SH2D4B: variants seen among roughly 807,000 people sequenced by gnomAD.
SH2D4B encodes SH2 domain-containing protein 4B.
Under a neutral mutation model 61.5 loss-of-function variants are expected in SH2D4B, and 45 were observed. That is an observed-to-expected ratio of 0.73 (90% CI 0.58 to 0.94). The LOEUF is 0.94. SH2D4B is among the 40% of genes least tolerant of loss of function. The pLI is 0.00. For synonymous variants in SH2D4B, 224 were observed against 220.4 expected, an observed-to-expected ratio of 1.02 and a Z score of -0.14; for missense variants, 572 against 574.2, an observed-to-expected ratio of 1.00 and a Z score of 0.04.
chr10:80,575,771 C>G (rs1842118875), intron 3 of SH2D4B, among the ~76,000 whole-genome samples: 1 of 152,062 alleles, frequency 6.6e-6, no homozygotes. Context: ...TTTGCAGATT[C>G]CTGATCAAAA....
chr10:80,564,943 A>G (rs1468395179), intron 1 of SH2D4B, among the ~76,000 whole-genome samples: 1 of 152,242 alleles, frequency 6.6e-6, no homozygotes, highest in Non-Finnish European at 1.5e-5. Flanking sequence ...GCAGATACAG[A>G]GAGACTCCAG....
chr10:80,611,475 C>T (rs1440838512), intron 6 of SH2D4B, among the ~76,000 whole-genome samples: 1 of 152,204 alleles, frequency 6.6e-6, no homozygotes, highest in African/African-American at 2.4e-5. Context: ...AGACAGCACT[C>T]ATGGCTGACT....
At chr10:80,558,605 C>G (rs1486463789) in intron 1 of SH2D4B, among the ~76,000 whole-genome samples, 2 of 152,264 alleles carry the variant, frequency 1.3e-5, no homozygotes, top group East Asian at 1.9e-4. Flanking sequence ...CTCAGCCTCT[C>G]AGTTGCTGGG....
Position 80,539,291 on chromosome 10 carries a change from A to G in SH2D4B, c.184+776A>G, listed in dbSNP as rs1841547697. Among the ~76,000 whole-genome samples, 1 of 152,216 alleles carries G rather than the reference A, an allele frequency of 6.6e-6. No homozygotes were observed. Among genetic ancestry groups the G allele is most frequent in the Admixed American group, 6.5e-5 (1 of 15,286 alleles). ...AGGACTCAATCCTGCCAGGGATTGT[A>G]GTTTCTGTGGATGCTGCATGCACTT... On this transcript the variant is annotated intron_variant, in intron 1 of 7. Transcript: ENST00000646907. This position sits in a 1 kb window ranked among gnomAD's most constrained non-coding sequence, Gnocchi z 4.9.
At chr10:80,592,612 T>C (rs1248001142) in intron 4 of SH2D4B, among the ~76,000 whole-genome samples, 2 of 152,214 alleles carry the variant, frequency 1.3e-5, no homozygotes, top group Non-Finnish European at 2.9e-5. Context: ...CCAAGCACCA[T>C]TTGTTGAAAA....
At chr10:80,588,984 A>ATTTCTT (rs999132853) in intron 4 of SH2D4B, among the ~76,000 whole-genome samples, 9 of 147,640 alleles carry the variant, frequency 6.1e-5, no homozygotes, top group African/African-American at 1.6e-4. Context: ...TGTTGGGGAT[A>ATTTCTT]TTTCTTTTTC....
At chr10:80,617,241 A>G (rs1367223011) in intron 6 of SH2D4B, among the ~76,000 whole-genome samples, 1 of 152,140 alleles carries the variant, frequency 6.6e-6, no homozygotes, top group East Asian at 1.9e-4. Flanking sequence ...AGAGGTGGCC[A>G]TTTTCTTTAG....
At chr10:80,575,122 A>G (rs913774801) in intron 3 of SH2D4B, among the ~76,000 whole-genome samples, 1 of 151,772 alleles carries the variant, frequency 6.6e-6, no homozygotes, top group Non-Finnish European at 1.5e-5. Context: ...AAAAAATAAA[A>G]TGAATACTCA....
chr10:80,545,560 C>T (rs1841665803), intron 1 of SH2D4B, among the ~76,000 whole-genome samples: 1 of 146,258 alleles, frequency 6.8e-6, no homozygotes, highest in Non-Finnish European at 1.5e-5. Flanking sequence ...TACTCCCTCT[C>T]CTCTTGCTCC....
At chr10:80,566,013 C>T (rs1327152586) in intron 1 of SH2D4B, among the ~76,000 whole-genome samples, 2 of 146,942 alleles carry the variant, frequency 1.4e-5, no homozygotes, top group Non-Finnish European at 3.0e-5. Context: ...ATGGCGTGAA[C>T]CCAGGAGGCG....
rs528112471 is a variant in SH2D4B at position 80,610,800 on chromosome 10, C to T, written c.988+1249C>T. ...CCCACCAGTCAAGGTTTATTTCTTA[C>T]ACATGTTACGTGCCCTTTGGGAGTT... On this transcript the variant is annotated intron_variant, in intron 6 of 7. Coordinates refer to ENST00000646907, the MANE Select transcript of SH2D4B (RefSeq NM_001388272.1). 2.6e-5 allele frequency among the ~76,000 whole-genome samples: 4 copies of T among 152,286 alleles called. No homozygotes were observed. In the East Asian group the frequency reaches 5.8e-4, roughly 22 times the overall value.
intron 1 of SH2D4B, among the ~76,000 whole-genome samples, chr10:80,541,897 G>C (rs1232021138): frequency 6.6e-6 from 1 of 152,160 alleles, no homozygotes; most frequent in Non-Finnish European, 1.5e-5. Context: ...AGGAGATGAG[G>C]GCACGGCTGG....
rs201534633 is a variant in SH2D4B, at chr10:80,633,173, G to A, written c.989-1112G>A. 3.9e-5 allele frequency among the ~76,000 whole-genome samples: 6 copies of A among 151,988 alleles called. No individual in the cohort carries two copies. In the East Asian group the frequency reaches 1.2e-3, roughly 30 times the overall value. ...TGGGGAGAAGTCACAGGTGTGCTGAGCCTCTCAGGGTCATGGAGATGGGCA... is the reference window on the plus strand; with the variant it reads ...TGGGGAGAAGTCACAGGTGTGCTGAACCTCTCAGGGTCATGGAGATGGGCA... On this transcript the variant is annotated intron_variant, in intron 6 of 7. Coordinates refer to ENST00000646907, the MANE Select transcript of SH2D4B (RefSeq NM_001388272.1).
chr10:80,539,538 A>C lies in SH2D4B; in HGVS notation c.184+1023A>C, dbSNP rs1457211800. 6.6e-6 allele frequency among the ~76,000 whole-genome samples: 1 copy of C among 152,112 alleles called. No individual in the cohort carries two copies. Among genetic ancestry groups the C allele is most frequent in the Non-Finnish European group, 1.5e-5 (1 of 68,022 alleles). ...CACATGAGTGGCTCTCACCGTTGGG[A>C]ATGTCCTTCTGCCTTCATCCACCTG... On this transcript the variant is annotated intron_variant, in intron 1 of 7. Transcript: ENST00000646907. This position sits in a 1 kb window ranked among gnomAD's most constrained non-coding sequence, Gnocchi z 4.9.
rs1840390001 is a variant in SH2D4B, at chr10:80,645,959, A to G, written c.*1874A>G. 6.6e-6 allele frequency: 1 copy of G among 152,184 alleles called. No homozygotes were observed. Among genetic ancestry groups the G allele is most frequent in the Non-Finnish European group, 1.5e-5 (1 of 68,028 alleles). The allele number at this position is 152,184 out of a possible 1,614,324, so 9.4% of individuals were successfully genotyped here. ...TTATCATTAAAATTGCCTTATTTCT[A>G]TGGACTCAGAGGAATGATGTTTTAG... On this transcript the variant is annotated 3_prime_UTR_variant, in exon 8 of 8. Transcript: ENST00000646907.
At chr10:80,625,427 C>T (rs897730437) in intron 6 of SH2D4B, among the ~76,000 whole-genome samples, 1 of 152,312 alleles carries the variant, frequency 6.6e-6, no homozygotes, top group East Asian at 1.9e-4. Context: ...TATCCTTCTA[C>T]ACTTTAAATT....
At chr10:80,621,871 C>T (rs1842719849) in intron 6 of SH2D4B, among the ~76,000 whole-genome samples, 1 of 152,022 alleles carries the variant, frequency 6.6e-6, no homozygotes, top group African/African-American at 2.4e-5. Context: ...TACAGGTGTG[C>T]ACCACCACGC....
At chr10:80,554,558 C>A in intron 1 of SH2D4B, among the ~76,000 whole-genome samples, 1 of 152,234 alleles carries the variant, frequency 6.6e-6, no homozygotes, top group East Asian at 1.9e-4. Context: ...GGTGGAAACT[C>A]AAGCAGCATT....
At chr10:80,629,042 G>A (rs1385126844) in intron 6 of SH2D4B, among the ~76,000 whole-genome samples, 55 of 108,918 alleles carry the variant, frequency 5.0e-4, no homozygotes, top group African/African-American at 2.0e-3. Flanking sequence ...AAAAAAAAAA[G>A]AAAAAGAAAA....
Sources: gnomAD v4.1 joint callset for allele counts (sites outside exome capture counted in the v4.1 genomes callset) on GRCh38, gnomAD v4.1.1 for gene constraint, Gnocchi (gnomAD v3.1) non-coding constraint, MANE v1.5 for transcripts, NCBI Gene and HGNC (gene_info 2026-07-23, HGNC 2026-07-21) for gene names.